The following THSD7A variants were observed in gnomAD, a reference collection of about 807,000 sequenced individuals.
THSD7A encodes the protein thrombospondin type 1 domain containing 7A.
A neutral mutation model predicts 231.3 loss-of-function variants in THSD7A; 96 were observed. The observed-to-expected ratio is 0.41, with a 90% CI of 0.35 to 0.49. The LOEUF (loss-of-function observed/expected upper bound fraction) is 0.49. THSD7A is among the 20% of genes least tolerant of loss of function. THSD7A has a pLI of 0.05. For missense variants in THSD7A, 2,290 were observed against 2,070.2 expected (o/e 1.11, Z -2.06); for synonymous variants, 940 against 743.3 (o/e 1.26, Z -4.30).
chr7:11,697,976 A>T (rs548887293), intron 1 of THSD7A, among the ~76,000 whole-genome samples: 70 of 151,550 alleles, frequency 4.6e-4, no homozygotes, highest in African/African-American at 1.6e-3. Flanking sequence ...TATGTTAGTC[A>T]TACGAATGCC....
At chr7:11,420,389 G>T (rs1784103865) in intron 16 of THSD7A, among the ~76,000 whole-genome samples, 1 of 152,222 alleles carries the variant, frequency 6.6e-6, no homozygotes, top group African/African-American at 2.4e-5. Flanking sequence ...AGGGGCCAAG[G>T]TACAGCTCAG....
Position 11,429,143 on chromosome 7 carries a change from A to T in THSD7A, c.3065-18T>A, listed in dbSNP as rs1225772468. 1 of 1,543,754 alleles carries T rather than the reference A, an allele frequency of 6.5e-7. No individual in the cohort carries two copies. Among genetic ancestry groups the T allele is most frequent in the African/African-American group, 1.4e-5 (1 of 71,748 alleles). ...AATGTAACCTGAGTAGAGGAAAATG[A>T]GACAAGAATCATCTCCTCCACCTGT... On this transcript the variant is annotated intron_variant, in intron 13 of 27. Transcript: ENST00000423059.
chr7:11,676,016 C>T (rs2883567), intron 1 of THSD7A, among the ~76,000 whole-genome samples: 115,236 of 152,084 alleles, frequency 0.76, 44,391 homozygotes, highest in African/African-American at 0.9. Flanking sequence ...ACAAGAGAGC[C>T]CTGGCTGGAA....
chr7:11,572,906 A>T (rs1423845725), intron 4 of THSD7A, among the ~76,000 whole-genome samples: 1 of 152,004 alleles, frequency 6.6e-6, no homozygotes, highest in Non-Finnish European at 1.5e-5. Flanking sequence ...ACTTTTTATT[A>T]TATTTTGAAC....
At chr7:11,418,964 T>G (rs1784050561) in intron 16 of THSD7A, among the ~76,000 whole-genome samples, 1 of 152,096 alleles carries the variant, frequency 6.6e-6, no homozygotes, top group East Asian at 1.9e-4. Flanking sequence ...CAGGAAAAAT[T>G]TCTACCTTCA....
At chr7:11,442,849 G>A (rs1282731800) in intron 13 of THSD7A, among the ~76,000 whole-genome samples, 1 of 152,024 alleles carries the variant, frequency 6.6e-6, no homozygotes, top group Non-Finnish European at 1.5e-5. Flanking sequence ...CTTCATTAAG[G>A]ATCTTTCTGA....
chr7:11,623,237 C>T (rs1379272186), intron 2 of THSD7A, among the ~76,000 whole-genome samples: 2 of 152,078 alleles, frequency 1.3e-5, no homozygotes, highest in African/African-American at 4.8e-5. Flanking sequence ...AGGGAGAGAA[C>T]ATGAGATTCC....
chr7:11,417,271 G>A (rs557675650), intron 17 of THSD7A, among the ~76,000 whole-genome samples, 179 bp downstream of exon 17: 1 of 152,286 alleles, frequency 6.6e-6, no homozygotes, highest in South Asian at 2.1e-4. Context: ...AAACATTACA[G>A]ACTTTAAATA....
chr7:11,782,837 G>C (rs1783675138), intron 1 of THSD7A, among the ~76,000 whole-genome samples: 1 of 152,004 alleles, frequency 6.6e-6, no homozygotes, highest in Admixed American at 6.6e-5. Flanking sequence ...GGAATACTTT[G>C]TTATAGCATT....
At position 11,671,476 on chromosome 7, in the gene THSD7A, A is replaced by G. The variant is rs533229806; in HGVS notation, c.191-34515T>C. ...TAAGACATTCCTCTTGCTGAGAAACATTCTGTTCATCTGGCCTTGTGTTCA... is the reference window on the plus strand; with the variant it reads ...TAAGACATTCCTCTTGCTGAGAAACGTTCTGTTCATCTGGCCTTGTGTTCA... On this transcript the variant is annotated intron_variant, in intron 1 of 27. Transcript: ENST00000423059. 6.6e-5 allele frequency among the ~76,000 whole-genome samples: 10 copies of G among 152,274 alleles called. No homozygotes were observed. The East Asian group carries it at 1.9e-3, about 29-fold the overall frequency.
intron 6 of THSD7A, among the ~76,000 whole-genome samples, chr7:11,525,640 T>A (rs1040277919): frequency 6.6e-6 from 1 of 152,176 alleles, no homozygotes; most frequent in Non-Finnish European, 1.5e-5. Flanking sequence ...TGTATATGTA[T>A]AATGCTTGGG....
In THSD7A at chr7:11,386,177, A is replaced by ATG. The variant is rs556493997; in HGVS notation, c.4412-3563_4412-3562dup. ...TTGTGAACAGTGCTGCAATAAACAT[A>ATG]TGTGTGCATGTGTCTTTATAATAGA... On this transcript the variant is annotated intron_variant, in intron 23 of 27. Transcript: ENST00000423059. Among the ~76,000 whole-genome samples, 145 of 152,278 alleles carry ATG rather than the reference A, an allele frequency of 9.5e-4. 1 individual carries two copies. The highest frequency in any genetic ancestry group is 3.2e-3 in the African/African-American group (133 of 41,556).
At chr7:11,735,460 G>A (rs541061011) in intron 1 of THSD7A, among the ~76,000 whole-genome samples, 126 of 151,934 alleles carry the variant, frequency 8.3e-4, no homozygotes, top group African/African-American at 2.9e-3. Flanking sequence ...TTGAAATCTT[G>A]CATAAAATTA....
chr7:11,696,466 A>T (rs1488889122), intron 1 of THSD7A, among the ~76,000 whole-genome samples: 1 of 151,440 alleles, frequency 6.6e-6, no homozygotes, highest in Non-Finnish European at 1.5e-5. Flanking sequence ...CATGTGCAGA[A>T]AGTGCAGGTT....
At chr7:11,633,422 T>C (rs1166845904) in intron 2 of THSD7A, among the ~76,000 whole-genome samples, 1 of 152,152 alleles carries the variant, frequency 6.6e-6, no homozygotes, top group Non-Finnish European at 1.5e-5. Context: ...TTCCTGCCTA[T>C]TATGCTATTC....
intron 13 of THSD7A, among the ~76,000 whole-genome samples, chr7:11,429,708 T>G (rs1784422358): frequency 6.6e-6 from 1 of 152,232 alleles, no homozygotes; most frequent in Admixed American, 6.5e-5. Flanking sequence ...ACATCTTATA[T>G]CCATTTGATT....
At chr7:11,693,189 A>T (rs946478120) in intron 1 of THSD7A, among the ~76,000 whole-genome samples, 3 of 151,622 alleles carry the variant, frequency 2.0e-5, no homozygotes, top group African/African-American at 7.3e-5. Context: ...CATTTTGATT[A>T]TATAGATGTA....
chr7:11,379,400 C>G (rs984854659), intron 25 of THSD7A, 120 bp from the exon 26 acceptor site: 1 of 999,196 alleles, frequency 1.0e-6, no homozygotes, highest in Non-Finnish European at 1.5e-6. Flanking sequence ...TACATAATTC[C>G]TCTATTATTT....
chr7:11,633,679 G>C (rs947002990), intron 2 of THSD7A, among the ~76,000 whole-genome samples: 2 of 152,152 alleles, frequency 1.3e-5, no homozygotes, highest in African/African-American at 4.8e-5. Context: ...GTTTCCTGCT[G>C]TCAGAATAGA....
Sources: gnomAD v4.1 joint callset for allele counts (sites outside exome capture counted in the v4.1 genomes callset) on GRCh38, gnomAD v4.1.1 for gene constraint, MANE v1.5 for transcripts, NCBI Gene and HGNC (gene_info 2026-07-23, HGNC 2026-07-21) for gene names.